Variants in ARK2N observed in about 807,000 individuals in gnomAD.
The protein encoded by ARK2N is arkadia (RNF111) N-terminal like PKA signaling regulator 2N, also known as protein ARK2N.
the ARK2N span, among the ~76,000 whole-genome samples, chr18:46,192,902 A>G: frequency 1.3e-5 from 2 of 150,756 alleles, no homozygotes; most frequent in Non-Finnish European, 3.0e-5. Context: ...AAAAAAAAGA[A>G]TGTGGACTCT....
chr18:46,228,415 A>G, the ARK2N span, among the ~76,000 whole-genome samples: 2 of 152,214 alleles, frequency 1.3e-5, no homozygotes, highest in African/African-American at 4.8e-5. Flanking sequence ...GCATTTTAAG[A>G]TAGAAAAGGT....
chr18:46,218,455 G>A, the ARK2N span: 1 of 152,172 alleles, frequency 6.6e-6, no homozygotes, highest in Non-Finnish European at 1.5e-5. Context: ...GAGGTACAGG[G>A]TCACTGTATG....
At chr18:46,250,271 T>C in the ARK2N span, among the ~76,000 whole-genome samples, 1 of 152,022 alleles carries the variant, frequency 6.6e-6, no homozygotes, top group Non-Finnish European at 1.5e-5. Flanking sequence ...CCTGCTATCA[T>C]GAACACTCAT....
At chr18:46,224,834 A>C in the ARK2N span, among the ~76,000 whole-genome samples, 1 of 152,242 alleles carries the variant, frequency 6.6e-6, no homozygotes. Context: ...TCTTCTTAGC[A>C]ATGCTTGTGT....
At chr18:46,181,769 TTTGATTGATTGA>T in the ARK2N span, among the ~76,000 whole-genome samples, 2 of 152,130 alleles carry the variant, frequency 1.3e-5, no homozygotes, top group South Asian at 4.2e-4. Context: ...TTAAGTTTAT[TTTGATTGATTGA>T]TTGATTGATT....
chr18:46,221,603 C>T, the ARK2N span, among the ~76,000 whole-genome samples: 3 of 149,144 alleles, frequency 2.0e-5, no homozygotes, highest in Admixed American at 1.3e-4. Context: ...TTTCTTTGAT[C>T]ACTAGTGAAA....
At chr18:46,194,751 G>A in the ARK2N span, among the ~76,000 whole-genome samples, 11 of 150,828 alleles carry the variant, frequency 7.3e-5, no homozygotes, top group African/African-American at 2.4e-4. Flanking sequence ...TGGGATTACA[G>A]GTGTGAGCCA....
the ARK2N span, chr18:46,217,636 T>C: frequency 3.9e-5 from 6 of 152,248 alleles, no homozygotes; most frequent in Non-Finnish European, 5.9e-5. Flanking sequence ...TAATGGAATC[T>C]ATAGCTTCCC....
chr18:46,182,850 T>C, the ARK2N span, among the ~76,000 whole-genome samples: 15 of 152,114 alleles, frequency 9.9e-5, no homozygotes, highest in Non-Finnish European at 1.9e-4. Flanking sequence ...TTATAGAGTT[T>C]ATATCAGTGG....
At chr18:46,253,869 T>C in the ARK2N span, 1 of 1,536,960 alleles carries the variant, frequency 6.5e-7, no homozygotes, top group Non-Finnish European at 8.8e-7. Context: ...TTATAAATTC[T>C]ATTTTAACCA....
chr18:46,246,157 C>A, the ARK2N span, among the ~76,000 whole-genome samples: 16 of 152,286 alleles, frequency 1.1e-4, no homozygotes, highest in East Asian at 3.9e-4. Context: ...ATTTGAAGAA[C>A]CTCATAGCAT....
the ARK2N span, among the ~76,000 whole-genome samples, chr18:46,209,033 A>G: frequency 6.6e-6 from 1 of 152,190 alleles, no homozygotes; most frequent in African/African-American, 2.4e-5. Context: ...AAGGCCAGAG[A>G]TCTGGAAAAA....
At chr18:46,223,411 T>C in the ARK2N span, among the ~76,000 whole-genome samples, 541 of 152,328 alleles carry the variant, frequency 3.6e-3, 4 homozygotes, top group Middle Eastern at 3.4e-3. Context: ...AGGTTTTTGT[T>C]TGCTGGATAG....
the ARK2N span, among the ~76,000 whole-genome samples, chr18:46,178,214 T>C: frequency 6.6e-6 from 1 of 152,242 alleles, no homozygotes; most frequent in Non-Finnish European, 1.5e-5. Flanking sequence ...GTTGCAAAGG[T>C]ACCTTATTAG....
At chr18:46,200,281 A>G in the ARK2N span, among the ~76,000 whole-genome samples, 1 of 152,066 alleles carries the variant, frequency 6.6e-6, no homozygotes, top group African/African-American at 2.4e-5. Flanking sequence ...AAGATGTCAG[A>G]TGTCACAGGT....
the ARK2N span, among the ~76,000 whole-genome samples, chr18:46,200,549 G>T: frequency 1.8e-4 from 27 of 152,102 alleles, no homozygotes; most frequent in Non-Finnish European, 3.2e-4. Context: ...CTCATGATCC[G>T]CCCGCCTCAG....
chr18:46,233,637 T>C, the ARK2N span, among the ~76,000 whole-genome samples: 1 of 152,212 alleles, frequency 6.6e-6, no homozygotes, highest in African/African-American at 2.4e-5. Context: ...TCTTTGCTTT[T>C]ACCTCTTTTG....
At chr18:46,212,485 G>C in the ARK2N span, among the ~76,000 whole-genome samples, 4 of 151,962 alleles carry the variant, frequency 2.6e-5, no homozygotes, top group Non-Finnish European at 5.9e-5. Flanking sequence ...AAAATTGCGT[G>C]AGAACTGTTT....
the ARK2N span, among the ~76,000 whole-genome samples, chr18:46,180,717 A>G: frequency 6.6e-6 from 1 of 152,022 alleles, no homozygotes; most frequent in African/African-American, 2.4e-5. Context: ...AAAAAAAACA[A>G]CAATAAAAAC....
Sources: allele counts gnomAD v4.1 joint callset (sites outside exome capture counted in the v4.1 genomes callset), GRCh38; gene constraint gnomAD v4.1.1; transcripts MANE v1.5; gene names NCBI Gene and HGNC (gene_info 2026-07-23, HGNC 2026-07-21).